The following ST14 variants were observed in gnomAD, a reference collection of about 807,000 sequenced individuals.
ST14 encodes the protein ST14 transmembrane serine protease matriptase, also known as suppressor of tumorigenicity 14 protein.
A neutral mutation model predicts 96.5 loss-of-function variants in ST14; 40 were observed. The observed-to-expected ratio is 0.41, with a 90% CI of 0.32 to 0.54. The LOEUF (loss-of-function observed/expected upper bound fraction) is 0.54. Among genes scored for constraint, ST14 ranks in the 20% least tolerant of loss-of-function variants. The pLI, the probability that ST14 is intolerant of heterozygous loss-of-function variation, is 0.17. For missense variants in ST14, 1,066 were observed against 1,188.9 expected (o/e 0.90, Z 1.52); for synonymous variants, 506 against 492.1 (o/e 1.03, Z -0.37).
intron 1 of ST14, among the ~76,000 whole-genome samples, chr11:130,170,322 C>T (rs1260397970): frequency 1.3e-5 from 2 of 152,056 alleles, no homozygotes; most frequent in South Asian, 2.1e-4. Flanking sequence ...GGGAGGCTGC[C>T]TAAGTCTGGC....
intron 1 of ST14, among the ~76,000 whole-genome samples, chr11:130,163,747 G>C (rs1285493585): frequency 6.6e-6 from 1 of 152,116 alleles, no homozygotes; most frequent in East Asian, 1.9e-4. Flanking sequence ...CCTCTGCCTT[G>C]GTCCTGAGAA....
intron 16 of ST14, 52 bp from the exon 17 acceptor site, chr11:130,208,358 G>T (rs1344695502): frequency 5.6e-6 from 9 of 1,612,938 alleles, no homozygotes; most frequent in Admixed American, 3.3e-5. Context: ...CCGCGAGGCC[G>T]TGTGCACAGA....
chr11:130,208,563 G>A lies in ST14; in HGVS notation c.2148G>A (p.Glu716=). ...FTFDYDIALL[E]LEKPAEYSSM... The stretch of plus-strand genomic sequence containing the variant: ...TCGACTATGACATCGCGCTGCTGGA[G>A]CTGGAGAAACCGGCAGAGTACAGCT... The change falls in exon 17 of 19, where the codon GAG becomes GAA. Residue 716 remains glutamate, a synonymous_variant. Coordinates refer to ENST00000278742, the MANE Select transcript of ST14 (RefSeq NM_021978.4). 6.2e-7 allele frequency: 1 copy of A among 1,614,242 alleles called. No homozygotes were observed. The highest frequency in any genetic ancestry group is 1.3e-5 in the African/African-American group (1 of 75,086).
At position 130,209,199 on chromosome 11, in the gene ST14, C is replaced by T. The variant is rs143914149; in HGVS notation, c.2270-243C>T. ...TCCGCCTCTCTGCTTCTTGTTCCCT[C>T]ACCCCTGCTTGCCACGGCGTCTGTT... On this transcript the variant is annotated intron_variant, in intron 17 of 18. Coordinates refer to ENST00000278742, the MANE Select transcript of ST14 (RefSeq NM_021978.4). 1.7e-3 allele frequency among the ~76,000 whole-genome samples: 255 copies of T among 152,272 alleles called. 2 individuals are homozygous for T. Among genetic ancestry groups the T allele is most frequent in the African/African-American group, 5.8e-3 (242 of 41,560 alleles).
At position 130,188,679 on chromosome 11, in the gene ST14, TC is replaced by T; in HGVS notation, c.369+24del. 1 of 1,613,918 alleles carries T rather than the reference TC, an allele frequency of 6.2e-7. No homozygotes were observed. The highest frequency in any genetic ancestry group is 8.5e-7 in the Non-Finnish European group (1 of 1,179,976). On this transcript the variant is annotated intron_variant, in intron 3 of 18. Transcript: ENST00000278742. This position sits in a 1 kb window ranked among gnomAD's most constrained non-coding sequence, Gnocchi z 5.4. ...CGCGGTGAGTGCAGCCTGCCCAGAGTCCTGCTGGGCTGTGTGCGCTGGTGTC... is the reference window on the plus strand; with the variant it reads ...CGCGGTGAGTGCAGCCTGCCCAGAGTCTGCTGGGCTGTGTGCGCTGGTGTC...
At chr11:130,167,147 G>A (rs1008395927) in intron 1 of ST14, among the ~76,000 whole-genome samples, 1 of 152,228 alleles carries the variant, frequency 6.6e-6, no homozygotes, top group African/African-American at 2.4e-5. Flanking sequence ...GGAGGTGGAG[G>A]TTGCAGTGAG....
At chr11:130,189,944 G>A (rs1236900662) in intron 5 of ST14, 48 bp downstream of exon 5, 1 of 1,613,326 alleles carries the variant, frequency 6.2e-7, no homozygotes, top group Non-Finnish European at 8.5e-7. Context: ...AGCCTTCCAT[G>A]GAGTGGGGCT....
intron 1 of ST14, among the ~76,000 whole-genome samples, chr11:130,161,689 C>T (rs1953000134): frequency 6.6e-6 from 1 of 152,244 alleles, no homozygotes; most frequent in African/African-American, 2.4e-5. Context: ...AGCTCATTTG[C>T]TCTCTGCGCC....
At chr11:130,185,680 A>G (rs1218126636) in intron 1 of ST14, among the ~76,000 whole-genome samples, 1 of 152,214 alleles carries the variant, frequency 6.6e-6, no homozygotes, top group Non-Finnish European at 1.5e-5. Flanking sequence ...ACCCAATTCA[A>G]AGCACATTCT....
intron 15 of ST14, 60 bp downstream of exon 15, chr11:130,199,129 A>G: frequency 6.4e-7 from 1 of 1,558,090 alleles, no homozygotes; most frequent in South Asian, 1.1e-5. Flanking sequence ...TGCCCACCAG[A>G]GGGTGCACCT....
At chr11:130,191,339 A>G (rs1953297188) in intron 7 of ST14, among the ~76,000 whole-genome samples, 1 of 152,086 alleles carries the variant, frequency 6.6e-6, no homozygotes, top group Admixed American at 6.5e-5. Flanking sequence ...CTCAGGCCAC[A>G]TGAGGAAACA....
rs765924893 is a variant in ST14, at chr11:130,208,395, G to A, written c.1995-15G>A. The A allele has an allele frequency of 2.1e-5, 34 of 1,613,790 alleles. No homozygotes were observed. The highest frequency in any genetic ancestry group is 1.7e-5 in the Admixed American group (1 of 60,006). On this transcript the variant is annotated splice_polypyrimidine_tract_variant and intron_variant, in intron 16 of 18. Coordinates refer to ENST00000278742, the MANE Select transcript of ST14 (RefSeq NM_021978.4). ...CCGAGTGACCGCGCAGTCTCATAGC[G>A]GCTCTCCCTACCAGGTACTCAGACC...
chr11:130,185,317 A>G (rs2136210396), intron 1 of ST14, among the ~76,000 whole-genome samples: 1 of 152,334 alleles, frequency 6.6e-6, no homozygotes, highest in Middle Eastern at 3.4e-3. Context: ...AGAAAGGATA[A>G]ATAGAGGATA....
At chr11:130,192,213 G>A (rs923971850) in intron 7 of ST14, among the ~76,000 whole-genome samples, 2 of 152,270 alleles carry the variant, frequency 1.3e-5, no homozygotes, top group Non-Finnish European at 2.9e-5. Flanking sequence ...TAAAATTCAG[G>A]CCAAGAACAA....
intron 10 of ST14, 43 bp from the exon 11 acceptor site, chr11:130,196,527 T>A (rs1258906646): frequency 1.3e-6 from 2 of 1,524,552 alleles, no homozygotes; most frequent in East Asian, 2.4e-5. Flanking sequence ...GCCCCCCGGC[T>A]CCCAGCTGTC....
intron 1 of ST14, among the ~76,000 whole-genome samples, chr11:130,186,342 A>C (rs56101662): frequency 0.13 from 20,024 of 152,264 alleles, 2,801 homozygotes; most frequent in African/African-American, 0.35. Context: ...AAGATGAAGA[A>C]AATGATCCAG....
chr11:130,182,313 C>T (rs530184125), intron 1 of ST14, among the ~76,000 whole-genome samples: 1 of 151,594 alleles, frequency 6.6e-6, no homozygotes, highest in South Asian at 2.1e-4. Flanking sequence ...TTCTTTGTTT[C>T]TTTCTTTCCT....
At chr11:130,199,196 G>A (rs1196358767) in intron 15 of ST14, 127 bp downstream of exon 15, 9 of 1,065,456 alleles carry the variant, frequency 8.4e-6, no homozygotes, top group South Asian at 2.7e-5. Context: ...GTGAGAGGGT[G>A]TGTCTCCTGG....
At position 130,207,330 on chromosome 11, in the gene ST14, C is replaced by T. The variant is rs115485749; in HGVS notation, c.1995-1080C>T. ...CTTTGGGAGGCCAAGGTGGGCTGGT[C>T]GTTTGAGGTCAGGAGTTTGAGACCA... On this transcript the variant is annotated intron_variant, in intron 16 of 18. Transcript: ENST00000278742. Among the ~76,000 whole-genome samples, 709 of 152,264 alleles carry T rather than the reference C, an allele frequency of 4.7e-3. 8 individuals carry two copies. The highest frequency in any genetic ancestry group is 0.016 in the African/African-American group (682 of 41,542).
Sources: allele counts gnomAD v4.1 joint callset (sites outside exome capture counted in the v4.1 genomes callset), GRCh38; gene constraint gnomAD v4.1.1; non-coding constraint Gnocchi (gnomAD v3.1); transcripts MANE v1.5; gene names NCBI Gene and HGNC (gene_info 2026-07-23, HGNC 2026-07-21).